Variants in CEMIP2 observed in about 807,000 individuals in gnomAD.
CEMIP2 encodes cell migration inducing hyaluronidase 2.
CEMIP2 carries 79 observed loss-of-function variants against 146.9 expected under a neutral mutation model. The ratio of observed to expected loss-of-function variants is 0.54; its 90% CI spans 0.45 to 0.65. The LOEUF is 0.65. Among genes scored for constraint, CEMIP2 ranks in the 30% least tolerant of loss-of-function variants. The pLI is 0.00. For synonymous variants in CEMIP2, 601 were observed against 606.3 expected (o/e 0.99, Z 0.13); for missense variants, 1,596 against 1,696.2 (o/e 0.94, Z 1.04).
Position 71,704,611 on chromosome 9 carries a change from G to A in CEMIP2, c.3178C>T (p.Leu1060Phe). The A allele has an allele frequency of 6.2e-7, 1 of 1,614,112 alleles. No individual in the cohort carries two copies. Among genetic ancestry groups the A allele is most frequent in the South Asian group, 1.1e-5 (1 of 91,076 alleles). The change falls in exon 18 of 24, where the codon CTC becomes TTC. Residue 1060 changes from leucine (L) to phenylalanine (F), a missense_variant. Leu to Phe is a conservative substitution (Grantham distance 22, BLOSUM62 0). Transcript: ENST00000377044. ...GPAPRTTFLY[L>F]VNFNKNDWIR... ...GAAACATACTTGTTGAAGTTGACGA[G>A]GTATAGAAATGTAGTCCGTGGTGCC...
upstream of CEMIP2, among the ~76,000 whole-genome samples, chr9:71,769,197 C>T (rs1324424387): frequency 6.6e-6 from 1 of 152,222 alleles, no homozygotes; most frequent in East Asian, 1.9e-4. Flanking sequence ...CCAGATAAGG[C>T]TGGTACTGCG....
chr9:71,733,011 C>A (rs1359515656), intron 6 of CEMIP2, among the ~76,000 whole-genome samples: 1 of 152,102 alleles, frequency 6.6e-6, no homozygotes. Flanking sequence ...TATAATCTTT[C>A]TCTCCAGTTT....
rs1404087115 is a variant in CEMIP2 at position 71,722,302 on chromosome 9, C to A, written c.2267+125G>T. 8.7e-6 allele frequency: 6 copies of A among 690,522 alleles called. No homozygotes were observed. In the East Asian group the frequency reaches 1.4e-4, roughly 16 times the overall value. The allele number at this position is 690,522 out of a possible 1,614,324, so 42.8% of individuals were successfully genotyped here. On this transcript the variant is annotated intron_variant, in intron 12 of 23. Coordinates refer to ENST00000377044, the MANE Select transcript of CEMIP2 (RefSeq NM_013390.3). ...CAGAATAAGTGGTTTTCCAAAAACC[C>A]TTTTACGAACTTCTAAAACTTTATT...
chr9:71,724,229 G>A (rs966661772), intron 11 of CEMIP2, among the ~76,000 whole-genome samples: 2 of 152,074 alleles, frequency 1.3e-5, no homozygotes, highest in African/African-American at 4.8e-5. Flanking sequence ...AGGAGGCAGA[G>A]GTGGCAGTGA....
chr9:71,683,499 TAA>T lies in CEMIP2; in HGVS notation c.*1696_*1697del, dbSNP rs1290687717. The T allele has an allele frequency of 7.0e-6, 1 of 142,154 alleles. No individual in the cohort carries two copies. The highest frequency in any genetic ancestry group is 2.7e-5 in the African/African-American group (1 of 37,486). The allele number at this position is 142,154 out of a possible 1,614,324, so 8.8% of individuals were successfully genotyped here. On this transcript the variant is annotated 3_prime_UTR_variant, in exon 24 of 24. Transcript: ENST00000377044. ...AGAACCAAGCTCTAAAAAACACACG[TAA>T]AGATATTTAAGTCATAAAACACACA...
chr9:71,706,967 T>C lies in CEMIP2; in HGVS notation c.2986-2164A>G, dbSNP rs549818281. Among the ~76,000 whole-genome samples, 7 of 152,226 alleles carry C rather than the reference T, an allele frequency of 4.6e-5. No individual in the cohort carries two copies. The East Asian group carries it at 1.2e-3, about 25-fold the overall frequency. On this transcript the variant is annotated intron_variant, in intron 17 of 23. Coordinates refer to ENST00000377044, the MANE Select transcript of CEMIP2 (RefSeq NM_013390.3). ...CTCAGTCCCCTCGAGTAGCTGGGATTACACGTGCCCACCACCACGCCTGGC... is the reference window on the plus strand; with the variant it reads ...CTCAGTCCCCTCGAGTAGCTGGGATCACACGTGCCCACCACCACGCCTGGC...
chr9:71,744,929 T>TGCTGTG (rs1033759388), intron 4 of CEMIP2, 89 bp downstream of exon 4: 13 of 1,395,222 alleles, frequency 9.3e-6, no homozygotes, highest in Non-Finnish European at 1.3e-5. Context: ...GCCTGAGTCA[T>TGCTGTG]GCTGTGGCTG....
chr9:71,746,345 T>C lies in CEMIP2; in HGVS notation c.332-4A>G, dbSNP rs772507315. 6 of 1,613,626 alleles carry C rather than the reference T, an allele frequency of 3.7e-6. No homozygotes were observed. The African/African-American group carries it at 4.0e-5, about 11-fold the overall frequency. On this transcript the variant is annotated splice_polypyrimidine_tract_variant and splice_region_variant and intron_variant, in intron 2 of 23. Transcript: ENST00000377044. ...GGATTTTGATCTGGGCAATTTTCTA[T>C]AAACACATTGATATTCCATCCAACC...
intron 19 of CEMIP2, among the ~76,000 whole-genome samples, chr9:71,699,865 A>C (rs534942122): frequency 6.6e-6 from 1 of 152,314 alleles, no homozygotes; most frequent in Admixed American, 6.5e-5. Flanking sequence ...GCAATCCAAA[A>C]GCCACATTGA....
Position 71,750,191 on chromosome 9 carries a change from T to C in CEMIP2, c.183A>G (p.Ala61=). Residue 61 remains alanine (A), a synonymous_variant, in exon 2 of 24, where the codon GCA becomes GCG. Transcript: ENST00000377044. The part of the protein sequence containing the change: ...SIRREDRATF[A]FSPEEQQAQR... ...GGGCTTGCTGTTCTTCAGGTGAGAA[T>C]GCGAAGGTTGCCCGGTCTTCTCGTC... 6.2e-7 allele frequency: 1 copy of C among 1,614,182 alleles called. No individual in the cohort carries two copies. The highest frequency in any genetic ancestry group is 1.7e-5 in the Admixed American group (1 of 60,032).
chr9:71,704,335 A>C, intron 18 of CEMIP2: 1 of 461,224 alleles, frequency 2.2e-6, no homozygotes, highest in South Asian at 2.5e-5. Flanking sequence ...AGCATTCAGC[A>C]GTATTAAAAC....
At position 71,685,308 on chromosome 9, in the gene CEMIP2, C is replaced by T; in HGVS notation, c.4041G>A (p.Gly1347=). The change falls in exon 24 of 24, where the codon GGG becomes GGA. Residue 1347 remains glycine, a synonymous_variant. Transcript: ENST00000377044. ...LFTSPAGQGL[G]VLEQFIPLQL... ...GCAAAGGTATGAATTGTTCAAGCAC[C>T]CCAAGGCCCTGTCCAGCAGGACTGG... is the stretch of plus-strand genomic sequence containing the variant. The T allele has an allele frequency of 1.2e-6, 2 of 1,612,078 alleles. No homozygotes were observed. The highest frequency in any genetic ancestry group is 1.7e-6 in the Non-Finnish European group (2 of 1,179,768).
At position 71,683,519 on chromosome 9, in the gene CEMIP2, A is replaced by AACAAAC. The variant is rs1821961955; in HGVS notation, c.*1677_*1678insGTTTGT. ...ACACGTAAAGATATTTAAGTCATAAAACACACACACACACACACACACACA... is the reference window on the plus strand; with the variant it reads ...ACACGTAAAGATATTTAAGTCATAAAACAAACACACACACACACACACACACACACA... On this transcript the variant is annotated 3_prime_UTR_variant, in exon 24 of 24. Coordinates refer to ENST00000377044, the MANE Select transcript of CEMIP2 (RefSeq NM_013390.3). The AACAAAC allele has an allele frequency of 7.4e-6, 1 of 134,574 alleles. No individual in the cohort carries two copies. Among genetic ancestry groups the AACAAAC allele is most frequent in the East Asian group, 2.2e-4 (1 of 4,540 alleles). The allele number at this position is 134,574 out of a possible 1,614,324, so 8.3% of individuals were successfully genotyped here.
intron 1 of CEMIP2, among the ~76,000 whole-genome samples, chr9:71,763,852 A>G (rs1393978781): frequency 6.6e-6 from 1 of 152,198 alleles, no homozygotes; most frequent in Non-Finnish European, 1.5e-5. Flanking sequence ...TTTAATAAAA[A>G]CCCTATGCTT....
chr9:71,723,581 T>C (rs1304500077), intron 11 of CEMIP2, among the ~76,000 whole-genome samples: 1 of 152,168 alleles, frequency 6.6e-6, no homozygotes, highest in East Asian at 1.9e-4. Context: ...AGCTGAGTAG[T>C]GGTTTTGTTC....
chr9:71,701,388 G>C (rs915854214), intron 18 of CEMIP2, among the ~76,000 whole-genome samples: 5 of 152,182 alleles, frequency 3.3e-5, no homozygotes, highest in Non-Finnish European at 5.9e-5. Flanking sequence ...TTACAGGCGT[G>C]AGCCACCGTG....
At chr9:71,713,381 T>C (rs1444628255) in intron 15 of CEMIP2, among the ~76,000 whole-genome samples, 1 of 152,170 alleles carries the variant, frequency 6.6e-6, no homozygotes, top group Non-Finnish European at 1.5e-5. Context: ...CTGTCATGAT[T>C]GTGAGGCCTC....
chr9:71,718,151 G>C, intron 12 of CEMIP2, 72 bp from the exon 13 acceptor site: 1 of 1,354,230 alleles, frequency 7.4e-7, no homozygotes, highest in South Asian at 1.8e-5. Context: ...ATAAGTTTAA[G>C]TGTCAAGAAG....
chr9:71,764,818 A>G (rs1824739114), intron 1 of CEMIP2, among the ~76,000 whole-genome samples: 1 of 117,646 alleles, frequency 8.5e-6, no homozygotes, highest in Non-Finnish European at 2.2e-5. Context: ...GAGAGAATAG[A>G]CTTTAACAAT....
Sources: allele counts gnomAD v4.1 joint callset (sites outside exome capture counted in the v4.1 genomes callset), GRCh38; gene constraint gnomAD v4.1.1; transcripts MANE v1.5; gene names NCBI Gene and HGNC (gene_info 2026-07-23, HGNC 2026-07-21).